NRIP1: variants seen among roughly 807,000 people sequenced by gnomAD.
The protein encoded by NRIP1 is nuclear receptor interacting protein 1, also known as nuclear receptor-interacting protein 1.
A neutral mutation model predicts 75.0 loss-of-function variants in NRIP1; 28 were observed. The observed-to-expected ratio is 0.37, with a 90% CI of 0.28 to 0.51. NRIP1 has a LOEUF of 0.51. Ranked by LOEUF, NRIP1 falls within the 20% of genes least tolerant of loss-of-function variation. The probability of loss-of-function intolerance (pLI) is 0.92; values close to 1 mark genes in which losing one functional copy is unlikely to be tolerated. For synonymous variants in NRIP1, 526 were observed against 487.6 expected (o/e 1.08, Z -1.04); for missense variants, 1,435 against 1,343.7 (o/e 1.07, Z -1.06).
At chr21:14,990,795 T>C (rs779108510) in intron 3 of NRIP1, among the ~76,000 whole-genome samples, 1 of 152,168 alleles carries the variant, frequency 6.6e-6, no homozygotes, top group Non-Finnish European at 1.5e-5. Context: ...AAAGGGACCC[T>C]GATACAGCTA....
At chr21:15,034,662 T>TGA (rs2088792024) in intron 2 of NRIP1, among the ~76,000 whole-genome samples, 1 of 152,088 alleles carries the variant, frequency 6.6e-6, no homozygotes, top group Non-Finnish European at 1.5e-5. Flanking sequence ...CAAGTGTGTA[T>TGA]GAGGAGAGGA....
chr21:14,966,130 C>T lies in NRIP1; in HGVS notation c.2063G>A (p.Ser688Asn), dbSNP rs1290403552. 6.2e-7 allele frequency: 1 copy of T among 1,612,768 alleles called. No homozygotes were observed. Among genetic ancestry groups the T allele is most frequent in the East Asian group, 2.2e-5 (1 of 44,866 alleles). The change falls in exon 4 of 4, where the codon AGT becomes AAT. Residue 688 changes from serine (S) to asparagine (N), a missense_variant. Physicochemically the swap from Ser to Asn is conservative, Grantham distance 46 (BLOSUM62 1). Coordinates refer to ENST00000318948, the MANE Select transcript of NRIP1 (RefSeq NM_003489.4). ...TGGTTCAGGACCTGTTGGTTGACTA[C>T]TAAATGCTTTATTTTCTTCAACTGC... ...TNAVEENKAF[S>N]SQPTGPEPGL...
At chr21:15,032,092 C>T (rs1338623131) in intron 2 of NRIP1, among the ~76,000 whole-genome samples, 1 of 152,314 alleles carries the variant, frequency 6.6e-6, no homozygotes, top group East Asian at 1.9e-4. Context: ...CTGAAGTAAT[C>T]CTAAGTTCAA....
chr21:15,065,122 CAA>C (rs1201613210), upstream of NRIP1: 1 of 152,736 alleles, frequency 6.5e-6, no homozygotes, highest in Non-Finnish European at 1.5e-5. Flanking sequence ...GCTCTTCAGC[CAA>C]GTTTCTTAAC....
chr21:15,048,250 T>C (rs2089129781), intron 1 of NRIP1, among the ~76,000 whole-genome samples: 1 of 152,068 alleles, frequency 6.6e-6, no homozygotes, highest in East Asian at 1.9e-4. Context: ...ACTGAAAACA[T>C]GCTGTTGAAA....
chr21:14,968,760 A>T (rs943421666), intron 3 of NRIP1, among the ~76,000 whole-genome samples: 12 of 152,200 alleles, frequency 7.9e-5, no homozygotes, highest in Non-Finnish European at 2.9e-5. Context: ...TGATCAAATC[A>T]TTAGAGAAGA....
chr21:15,036,414 C>T (rs536219396), intron 2 of NRIP1, among the ~76,000 whole-genome samples: 25 of 152,322 alleles, frequency 1.6e-4, no homozygotes, highest in South Asian at 6.2e-4. Flanking sequence ...CATTTAAATA[C>T]ATAAAACCAC....
At chr21:14,976,860 T>C (rs1293456992) in intron 3 of NRIP1, among the ~76,000 whole-genome samples, 2 of 152,168 alleles carry the variant, frequency 1.3e-5, no homozygotes, top group East Asian at 3.8e-4. Context: ...CACATTTAAA[T>C]GATTAAACAT....
At chr21:15,022,159 A>G (rs1250233957) in intron 2 of NRIP1, among the ~76,000 whole-genome samples, 1 of 152,240 alleles carries the variant, frequency 6.6e-6, no homozygotes, top group South Asian at 2.1e-4. Context: ...CATCAGTGAT[A>G]GACTGGATAA....
chr21:15,056,637 C>A (rs770100557), intron 1 of NRIP1, among the ~76,000 whole-genome samples: 2 of 152,030 alleles, frequency 1.3e-5, no homozygotes, highest in African/African-American at 4.8e-5. Flanking sequence ...CAAAATATAA[C>A]GTATTCTCTA....
intron 3 of NRIP1, among the ~76,000 whole-genome samples, chr21:14,982,677 G>A (rs1040910360): frequency 1.4e-5 from 2 of 147,278 alleles, no homozygotes; most frequent in African/African-American, 5.0e-5. Context: ...TTGCTTCATT[G>A]TACTTTGCCA....
intron 3 of NRIP1, among the ~76,000 whole-genome samples, chr21:14,989,937 T>A (rs2087522958): frequency 6.6e-6 from 1 of 151,866 alleles, no homozygotes; most frequent in Non-Finnish European, 1.5e-5. Context: ...AAAATACTGG[T>A]CTTATTAATC....
intron 3 of NRIP1, among the ~76,000 whole-genome samples, chr21:14,994,281 T>C (rs920722355): frequency 6.6e-6 from 1 of 152,116 alleles, no homozygotes; most frequent in African/African-American, 2.4e-5. Context: ...TGCACCACCA[T>C]GCCTGGCTAA....
Position 14,968,002 on chromosome 21 carries a change from T to A in NRIP1, c.191A>T (p.Asn64Ile). The A allele has an allele frequency of 6.2e-7, 1 of 1,614,052 alleles. No individual in the cohort carries two copies. Among genetic ancestry groups the A allele is most frequent in the Non-Finnish European group, 8.5e-7 (1 of 1,180,006 alleles). ...TGTATGTGTATTGAGAACTGGACCA[T>A]TACTTTGACAGGTGGGAAATGCACT... ...SGSAFPTCQS[N>I]GPVLNTHTYQ... is the part of the protein sequence containing the mutation. The change falls in exon 4 of 4, where the codon AAT becomes ATT. Residue 64 changes from asparagine to isoleucine, a missense_variant. By Grantham distance (149) the Asn-to-Ile change is moderately radical. Coordinates refer to ENST00000318948, the MANE Select transcript of NRIP1 (RefSeq NM_003489.4).
At chr21:14,989,481 T>A (rs753071469) in intron 3 of NRIP1, among the ~76,000 whole-genome samples, 2 of 152,130 alleles carry the variant, frequency 1.3e-5, no homozygotes, top group Non-Finnish European at 2.9e-5. Flanking sequence ...TAATTGGACA[T>A]TGGTTGTTTT....
rs1978729002 is a variant in NRIP1, at chr21:15,064,826, C to T, written c.-619G>A. 1 of 148,370 alleles carries T rather than the reference C, an allele frequency of 6.7e-6. No individual in the cohort carries two copies. The highest frequency in any genetic ancestry group is 2.4e-5 in the African/African-American group (1 of 41,066). 9.2% of individuals were successfully genotyped at this position (148,370 alleles called of 1,614,324 possible). On this transcript the variant is annotated 5_prime_UTR_variant, in exon 1 of 4. Transcript: ENST00000318948. ...CCTGCCGCCCCGTCCTGGCCCGGCG[C>T]CCCGGCGAGCTCTTCCCTCCGACCA...
At chr21:14,999,912 C>T (rs991529326) in intron 3 of NRIP1, among the ~76,000 whole-genome samples, 10 of 152,152 alleles carry the variant, frequency 6.6e-5, no homozygotes, top group African/African-American at 2.4e-4. Context: ...CTAAAATTAA[C>T]TGGTGATTTT....
chr21:15,011,228 C>T (rs113424541), intron 3 of NRIP1, among the ~76,000 whole-genome samples: 4 of 152,024 alleles, frequency 2.6e-5, no homozygotes, highest in East Asian at 1.9e-4. Flanking sequence ...CTTGCTCTGT[C>T]GCCCAGGCTG....
rs376953992 is a variant in NRIP1, at chr21:15,048,347, C to T, written c.-537-4773G>A. On this transcript the variant is annotated intron_variant, in intron 1 of 3. Coordinates refer to ENST00000318948, the MANE Select transcript of NRIP1 (RefSeq NM_003489.4). ...CTTCAAAGAGCAGTAAAGTGAAGCA[C>T]AATAAAATGAAGTATGCCTACACAT... is the stretch of plus-strand genomic sequence containing the variant. Among the ~76,000 whole-genome samples, 8 of 152,202 alleles carry T rather than the reference C, an allele frequency of 5.3e-5. No homozygotes were observed. The East Asian group carries it at 1.3e-3, about 26-fold the overall frequency.
Sources: gnomAD v4.1 joint callset for allele counts (sites outside exome capture counted in the v4.1 genomes callset) on GRCh38, gnomAD v4.1.1 for gene constraint, MANE v1.5 for transcripts, NCBI Gene and HGNC (gene_info 2026-07-23, HGNC 2026-07-21) for gene names.